Variants in RIC8B observed in about 807,000 individuals in gnomAD.
RIC8B encodes chaperone Ric-8B.
RIC8B carries 16 observed loss-of-function variants against 57.5 expected under a neutral mutation model. That is an observed-to-expected ratio of 0.28 (90% CI 0.19 to 0.42). The LOEUF is 0.42. Ranked by LOEUF, RIC8B falls within the 10% of genes least tolerant of loss-of-function variation. RIC8B has a pLI of 1.00. For missense variants in RIC8B, 481 were observed against 677.0 expected, an observed-to-expected ratio of 0.71 and a Z score of 3.21; for synonymous variants, 216 against 250.8, an observed-to-expected ratio of 0.86 and a Z score of 1.31.
intron 1 of RIC8B, among the ~76,000 whole-genome samples, chr12:106,776,912 C>T (rs2043522329): frequency 6.6e-6 from 1 of 152,158 alleles, no homozygotes; most frequent in Admixed American, 6.6e-5. Flanking sequence ...TATCTGTCAC[C>T]CAGGCTGGAG....
At chr12:106,778,554 A>G (rs906733369) in intron 1 of RIC8B, among the ~76,000 whole-genome samples, 1 of 152,172 alleles carries the variant, frequency 6.6e-6, no homozygotes, top group African/African-American at 2.4e-5. Flanking sequence ...CACATTTCGT[A>G]TGTCATCTTA....
intron 9 of RIC8B, 56 bp from the exon 10 acceptor site, chr12:106,885,848 G>A (rs1243499801): frequency 7.4e-6 from 8 of 1,087,630 alleles, no homozygotes; most frequent in Non-Finnish European, 1.1e-5. Context: ...GGGGAGGGGT[G>A]TGTGTGTGAT....
chr12:106,817,178 G>A (rs2045610425), intron 3 of RIC8B, among the ~76,000 whole-genome samples: 1 of 152,166 alleles, frequency 6.6e-6, no homozygotes, highest in Non-Finnish European at 1.5e-5. Flanking sequence ...TCAATTGCTA[G>A]ACATAATGCC....
At chr12:106,817,864 A>G (rs977861666) in intron 3 of RIC8B, among the ~76,000 whole-genome samples, 3 of 151,768 alleles carry the variant, frequency 2.0e-5, no homozygotes, top group African/African-American at 7.3e-5. Flanking sequence ...GAGTGCAGAG[A>G]AACTTGCTAC....
intron 2 of RIC8B, among the ~76,000 whole-genome samples, chr12:106,784,538 T>C (rs1035971071): frequency 6.6e-6 from 1 of 152,036 alleles, no homozygotes; most frequent in Non-Finnish European, 1.5e-5. Context: ...TTAAAATTTT[T>C]TTGTAGAGAC....
chr12:106,835,385 CA>C, intron 4 of RIC8B, among the ~76,000 whole-genome samples: 1 of 152,258 alleles, frequency 6.6e-6, no homozygotes, highest in Middle Eastern at 3.4e-3. Flanking sequence ...CTCATTCCTC[CA>C]AATTTTTGCT....
intron 8 of RIC8B, among the ~76,000 whole-genome samples, chr12:106,869,166 T>TA (rs1370901117): frequency 2.6e-5 from 4 of 152,142 alleles, no homozygotes; most frequent in Admixed American, 1.3e-4. Context: ...ATGTAGGTCT[T>TA]ACGCAAGAAT....
chr12:106,815,344 A>G, intron 3 of RIC8B, 40 bp downstream of exon 3: 1 of 1,551,480 alleles, frequency 6.4e-7, no homozygotes, highest in Non-Finnish European at 8.7e-7. Context: ...CTGGAATTTA[A>G]TTGGTCTGGG....
rs1358547580 is a variant in RIC8B, at chr12:106,809,598, G to GT, written c.133-5092dup. Among the ~76,000 whole-genome samples, 113 of 147,724 alleles carry GT rather than the reference G, an allele frequency of 7.6e-4. 1 individual carries two copies. The highest frequency in any genetic ancestry group is 1.1e-3 in the South Asian group (5 of 4,590). On this transcript the variant is annotated intron_variant, in intron 2 of 9. Transcript: ENST00000392837. ...ATTTCTTAGATTGAGAAACATAAAA[G>GT]TTTTTTGTAAACTGTAAAGCACATA...
chr12:106,788,253 C>A lies in RIC8B; in HGVS notation c.132+4209C>A, dbSNP rs180987055. Among the ~76,000 whole-genome samples, 441 of 152,298 alleles carry A rather than the reference C, an allele frequency of 2.9e-3. 3 individuals carry two copies. Among genetic ancestry groups the A allele is most frequent in the African/African-American group, 9.4e-3 (391 of 41,560 alleles). On this transcript the variant is annotated intron_variant, in intron 2 of 9. Coordinates refer to ENST00000392837, the MANE Select transcript of RIC8B (RefSeq NM_001330145.2). ...TAGGTTCCCATAGTCTTGGGCAGCT[C>A]CACGCCTGTGGCTTTGCAGGGTATA...
chr12:106,821,796 C>T (rs558430977), intron 3 of RIC8B, among the ~76,000 whole-genome samples: 3 of 151,852 alleles, frequency 2.0e-5, no homozygotes, highest in East Asian at 1.9e-4. Context: ...AAGCAAAGGG[C>T]GTTCAGGTGC....
At chr12:106,801,273 A>T (rs1421353513) in intron 2 of RIC8B, among the ~76,000 whole-genome samples, 1 of 152,192 alleles carries the variant, frequency 6.6e-6, no homozygotes, top group East Asian at 1.9e-4. Flanking sequence ...AGGGCAGCTG[A>T]TTGGTTTTAT....
At chr12:106,782,637 A>G (rs745430822) in intron 1 of RIC8B, among the ~76,000 whole-genome samples, 26 of 152,224 alleles carry the variant, frequency 1.7e-4, no homozygotes, top group Non-Finnish European at 3.2e-4. Context: ...TTTTGCATCT[A>G]TATTCGAGGC....
intron 4 of RIC8B, 41 bp downstream of exon 4, chr12:106,825,861 T>G (rs2046074501): frequency 7.5e-7 from 1 of 1,341,502 alleles, no homozygotes; most frequent in East Asian, 2.3e-5. Context: ...AAGGACATCA[T>G]CAGTTGTTCT....
At chr12:106,871,598 G>T (rs1003861022) in intron 9 of RIC8B, 5 of 150,608 alleles carry the variant, frequency 3.3e-5, no homozygotes, top group African/African-American at 1.2e-4. Flanking sequence ...TCAGCAACTA[G>T]TCATCTTGGA....
At chr12:106,847,066 C>G (rs185318778) in intron 6 of RIC8B, among the ~76,000 whole-genome samples, 1 of 152,170 alleles carries the variant, frequency 6.6e-6, no homozygotes, top group Admixed American at 6.5e-5. Context: ...CATGCCTATC[C>G]AAAGGAAATT....
intron 2 of RIC8B, among the ~76,000 whole-genome samples, chr12:106,800,751 G>A (rs2044695385): frequency 6.6e-6 from 1 of 152,156 alleles, no homozygotes; most frequent in Non-Finnish European, 1.5e-5. Context: ...GTGGCTAATT[G>A]AGTGTTGTGG....
chr12:106,831,410 T>C (rs1283653713), intron 4 of RIC8B, among the ~76,000 whole-genome samples: 1 of 152,230 alleles, frequency 6.6e-6, no homozygotes. Context: ...CTGTTTCCCC[T>C]GGTCAGTTCC....
intron 9 of RIC8B, among the ~76,000 whole-genome samples, chr12:106,885,370 G>C (rs76918979): frequency 0.048 from 7,376 of 152,148 alleles, 351 homozygotes; most frequent in African/African-American, 0.13. Flanking sequence ...AAAAGTCGGG[G>C]AGAGAGTTGG....
Sources: gnomAD v4.1 joint callset for allele counts (sites outside exome capture counted in the v4.1 genomes callset) on GRCh38, gnomAD v4.1.1 for gene constraint, MANE v1.5 for transcripts, NCBI Gene and HGNC (gene_info 2026-07-23, HGNC 2026-07-21) for gene names.